Variants in TREH observed in about 807,000 individuals in gnomAD.
TREH encodes the protein alpha,alpha-trehalose glucohydrolase.
TREH carries 69 observed loss-of-function variants against 80.5 expected under a neutral mutation model. The observed-to-expected ratio is 0.86, with a 90% CI of 0.71 to 1.05. The LOEUF (loss-of-function observed/expected upper bound fraction) is 1.05, where lower values mean the gene tolerates loss of function less well. TREH is among the 50% of genes least tolerant of loss of function. The pLI is 0.00. For synonymous variants in TREH, 309 were observed against 293.5 expected (o/e 1.05, Z -0.54); for missense variants, 716 against 718.8 (o/e 1.00, Z 0.04).
In TREH at chr11:118,665,405, C is replaced by T. The variant is rs577096565; in HGVS notation, c.90-1966G>A. Among the ~76,000 whole-genome samples the T allele has an allele frequency of 1.9e-4, 29 of 151,992 alleles. 1 individual carries two copies. The highest frequency in any genetic ancestry group is 3.2e-4 in the Non-Finnish European group (22 of 67,932). On this transcript the variant is annotated intron_variant, in intron 1 of 14. Transcript: ENST00000264029. ...CTGTGATCCCAGCACTTTGGGAGGC[C>T]GAGGAGGGCGGATCACAAGGTCAGG... is the stretch of plus-strand genomic sequence containing the variant.
In TREH at chr11:118,662,931, G is replaced by A. The variant is rs137930190; in HGVS notation, c.373C>T (p.Arg125Cys). Residue 125 changes from arginine (R) to cysteine (C), a missense_variant, in exon 4 of 15, where the codon CGT becomes TGT. Coordinates refer to ENST00000264029, the MANE Select transcript of TREH (RefSeq NM_007180.3). ...FLQKISDAKL[R>C]AWAGQLHQLW... Reference sequence around the variant, plus strand: ...TGATGCAGCTGCCCTGCCCAGGCACGCAGTTTGGCATCTGAAATCTTCTGC... The same window carrying A: ...TGATGCAGCTGCCCTGCCCAGGCACACAGTTTGGCATCTGAAATCTTCTGC... 68 of 1,610,528 alleles carry A rather than the reference G, an allele frequency of 4.2e-5. No individual in the cohort carries two copies. Among genetic ancestry groups the A allele is most frequent in the East Asian group, 8.9e-5 (4 of 44,816 alleles).
chr11:118,660,396 T>C, intron 10 of TREH, 143 bp downstream of exon 10: 1 of 785,338 alleles, frequency 1.3e-6, no homozygotes, highest in South Asian at 1.9e-5. Flanking sequence ...TACGCAAATG[T>C]GAGTGCAGGC....
chr11:118,679,361 G>A (rs1459354879), intron 1 of TREH, among the ~76,000 whole-genome samples, 178 bp downstream of exon 1: 7 of 152,106 alleles, frequency 4.6e-5, no homozygotes, highest in African/African-American at 1.7e-4. Flanking sequence ...CGGACTGCAG[G>A]TGCAGTGCCC....
intron 1 of TREH, among the ~76,000 whole-genome samples, chr11:118,678,382 A>T (rs1949500952): frequency 6.6e-6 from 1 of 151,378 alleles, no homozygotes; most frequent in African/African-American, 2.4e-5. Context: ...TTATTATTTG[A>T]GATAGAGTTT....
intron 1 of TREH, among the ~76,000 whole-genome samples, chr11:118,664,703 C>T (rs1215622069): frequency 2.6e-5 from 4 of 152,152 alleles, no homozygotes; most frequent in East Asian, 3.9e-4. Context: ...TGTTGCATAC[C>T]GTCCTCAGAG....
chr11:118,660,748 C>A lies in TREH; in HGVS notation c.908-15G>T. 6.4e-7 allele frequency: 1 copy of A among 1,560,490 alleles called. No homozygotes were observed. The highest frequency in any genetic ancestry group is 1.2e-5 in the South Asian group (1 of 85,340). On this transcript the variant is annotated splice_polypyrimidine_tract_variant and intron_variant, in intron 9 of 14. Transcript: ENST00000264029. ...CTCCCGGTCTCCTGTGAGGACAGAG[C>A]AGGGAACCAGCCAGTCCCGGCTGCA...
chr11:118,664,099 A>G (rs1000975533), intron 1 of TREH, among the ~76,000 whole-genome samples: 4 of 152,170 alleles, frequency 2.6e-5, no homozygotes, highest in African/African-American at 7.2e-5. Context: ...AGGAGGTGCT[A>G]ATGGTATTCA....
Position 118,658,167 on chromosome 11 carries a change from C to T in TREH, c.*122G>A. Reference sequence around the variant, plus strand: ...CATGACCTCCAGGTCGTGACCCTGCCCTCCACTTCGCTCTGAGGACAGGCT... The same window carrying T: ...CATGACCTCCAGGTCGTGACCCTGCTCTCCACTTCGCTCTGAGGACAGGCT... On this transcript the variant is annotated 3_prime_UTR_variant, in exon 15 of 15. Coordinates refer to ENST00000264029, the MANE Select transcript of TREH (RefSeq NM_007180.3). The T allele has an allele frequency of 7.3e-7, 1 of 1,377,994 alleles. No homozygotes were observed. Among genetic ancestry groups the T allele is most frequent in the Non-Finnish European group, 9.8e-7 (1 of 1,021,196 alleles). The allele number at this position is 1,377,994 out of a possible 1,614,324, so 85.4% of individuals were successfully genotyped here.
intron 4 of TREH, among the ~76,000 whole-genome samples, chr11:118,662,269 C>T (rs1555145149): frequency 7.6e-6 from 1 of 132,380 alleles, no homozygotes; most frequent in African/African-American, 2.8e-5. Context: ...ATCCACCAAG[C>T]AGTGGCCATT....
Position 118,660,601 on chromosome 11 carries a change from A to G in TREH, c.1040T>C (p.Val347Ala), listed in dbSNP as rs782495611. The G allele has an allele frequency of 1.2e-6, 2 of 1,610,888 alleles. No individual in the cohort carries two copies. The highest frequency in any genetic ancestry group is 1.1e-5 in the South Asian group (1 of 90,152). The change falls in exon 10 of 15, where the codon GTT (valine) becomes GCT (alanine). Residue 347 changes from valine (V) to alanine (A), a missense_variant. By Grantham distance (64) the Val-to-Ala change is moderately conservative. Transcript: ENST00000264029. ...TTGGCATAGGAAGGCATTCAGGTCA[A>G]CAGGCACCAGTTTGCTTGTTCGGAT... ...SGIRTSKLVP[V>A]DLNAFLCQAE...
At position 118,659,655 on chromosome 11, in the gene TREH, C is replaced by T. The variant is rs546157639; in HGVS notation, c.1320+92G>A. On this transcript the variant is annotated intron_variant, in intron 11 of 14. Coordinates refer to ENST00000264029, the MANE Select transcript of TREH (RefSeq NM_007180.3). ...CGCAGGCTGGGACAAGGGGCATAGCCGGAGGAAGCGCCCTCCCCTGCAGGT... is the reference window on the plus strand; with the variant it reads ...CGCAGGCTGGGACAAGGGGCATAGCTGGAGGAAGCGCCCTCCCCTGCAGGT... 76 of 1,470,380 alleles carry T rather than the reference C, an allele frequency of 5.2e-5. 1 individual carries two copies. The highest frequency in any genetic ancestry group is 1.1e-4 in the South Asian group (9 of 79,162). 91.1% of individuals were successfully genotyped at this position (1,470,380 alleles called of 1,614,324 possible).
chr11:118,665,614 T>C (rs1017549309), intron 1 of TREH, among the ~76,000 whole-genome samples: 4 of 152,126 alleles, frequency 2.6e-5, no homozygotes, highest in Non-Finnish European at 5.9e-5. Context: ...CACTCCAGCC[T>C]GGGCAACAGA....
At chr11:118,663,819 G>T (rs1425036081) in intron 1 of TREH, among the ~76,000 whole-genome samples, 1 of 152,158 alleles carries the variant, frequency 6.6e-6, no homozygotes, top group African/African-American at 2.4e-5. Context: ...AACCTGGGAG[G>T]TGCACTCAGT....
intron 1 of TREH, among the ~76,000 whole-genome samples, chr11:118,666,169 G>C (rs1949375688): frequency 6.6e-6 from 1 of 152,060 alleles, no homozygotes; most frequent in African/African-American, 2.4e-5. Context: ...GGAAGTGGAG[G>C]TTGCAGTGGG....
chr11:118,662,112 C>T, intron 4 of TREH, 122 bp from the exon 5 acceptor site: 1 of 722,480 alleles, frequency 1.4e-6, no homozygotes, highest in East Asian at 2.7e-5. Flanking sequence ...GGGTTCAGCG[C>T]TGGCTCCACT....
intron 1 of TREH, among the ~76,000 whole-genome samples, chr11:118,666,702 T>C (rs1555145723): frequency 6.6e-6 from 1 of 152,156 alleles, no homozygotes; most frequent in Non-Finnish European, 1.5e-5. Flanking sequence ...GACTAATCAC[T>C]GTGTAACTGT....
chr11:118,659,889 TC>T lies in TREH; in HGVS notation c.1177del (p.Asp393MetfsTer44). 1 of 1,551,904 alleles carries T rather than the reference TC, an allele frequency of 6.4e-7. No homozygotes were observed. Among genetic ancestry groups the T allele is most frequent in the Non-Finnish European group, 8.7e-7 (1 of 1,147,070 alleles). ...ATCGAACCAGGCTCCGGTCTGCTCA[TC>T]CCACAGGACTGTGTTCAGGGCGGCC... ...RLAALNTVLW[D>X]EQTGAWFDYD... On this transcript the variant is annotated frameshift_variant, in exon 11 of 15. Coordinates refer to ENST00000264029, the MANE Select transcript of TREH (RefSeq NM_007180.3). LOFTEE classifies it high-confidence loss of function.
At chr11:118,659,548 G>T in intron 11 of TREH, 67 bp from the exon 12 acceptor site, 1 of 1,430,988 alleles carries the variant, frequency 7.0e-7, no homozygotes. Context: ...CAGGACGCTG[G>T]ACCCCGCGGG....
At chr11:118,671,916 T>C (rs1347286593) in intron 1 of TREH, among the ~76,000 whole-genome samples, 1 of 151,990 alleles carries the variant, frequency 6.6e-6, no homozygotes, top group East Asian at 1.9e-4. Flanking sequence ...ATATTTAAAG[T>C]GCTGAAGGAA....
Sources: allele counts gnomAD v4.1 joint callset (sites outside exome capture counted in the v4.1 genomes callset), GRCh38; gene constraint gnomAD v4.1.1; transcripts MANE v1.5; gene names NCBI Gene and HGNC (gene_info 2026-07-23, HGNC 2026-07-21).